MYH16: variants seen among roughly 807,000 people sequenced by gnomAD.
MYH16 encodes putative uncharacterized protein MYH16.
intron 20 of MYH16, among the ~76,000 whole-genome samples, chr7:99,276,915 A>G (rs965935911): frequency 1.3e-5 from 2 of 152,000 alleles, no homozygotes; most frequent in African/African-American, 4.8e-5. Context: ...GATAAGAGAG[A>G]CAGAGATGAG....
At chr7:99,293,201 G>GA (rs759852984) in intron 32 of MYH16, among the ~76,000 whole-genome samples, 3 of 152,090 alleles carry the variant, frequency 2.0e-5, no homozygotes, top group African/African-American at 7.2e-5. Flanking sequence ...TGGATTCTCT[G>GA]AAAAAATGGC....
At chr7:99,243,977 TCATCCATCCATC>T (rs547422876) in intron 2 of MYH16, among the ~76,000 whole-genome samples, 4 of 148,380 alleles carry the variant, frequency 2.7e-5, no homozygotes, top group Middle Eastern at 7.1e-3. Context: ...ATCCAAACAT[TCATCCATCCATC>T]CATCCATCCA....
intron 34 of MYH16, 50 bp downstream of exon 15, chr7:99,296,967 G>A (rs1329229545): frequency 2.2e-6 from 1 of 447,954 alleles, no homozygotes; most frequent in Non-Finnish European, 4.5e-6. Flanking sequence ...AGGGGACACA[G>A]CCAGAGTCCC....
chr7:99,293,829 G>A (rs1792429040), intron 32 of MYH16, among the ~76,000 whole-genome samples, 189 bp from the exon 14 acceptor site: 2 of 151,444 alleles, frequency 1.3e-5, no homozygotes, highest in Non-Finnish European at 2.9e-5. Context: ...GAGAAAGTAA[G>A]TGTTTGTTGA....
chr7:99,288,296 A>G (rs1265050403), intron 29 of MYH16, among the ~76,000 whole-genome samples, 159 bp downstream of exon 10: 1 of 151,932 alleles, frequency 6.6e-6, no homozygotes, highest in Non-Finnish European at 1.5e-5. Context: ...GAAATTAGCC[A>G]GGGATGGTAG....
chr7:99,260,443 G>A (rs2150811293), intron 12 of MYH16: 1 of 532,990 alleles, frequency 1.9e-6, no homozygotes, highest in South Asian at 1.9e-5. Context: ...GACACCACCA[G>A]TGACCTTCCT....
intron 8 of MYH16, chr7:99,254,099 A>T (rs919120033): frequency 6.6e-6 from 1 of 152,228 alleles, no homozygotes; most frequent in Admixed American, 6.5e-5. Flanking sequence ...ATACAAAAAA[A>T]TTAGCCAGGC....
chr7:99,287,627 C>T (rs2150824910), intron 28 of MYH16, among the ~76,000 whole-genome samples: 1 of 151,162 alleles, frequency 6.6e-6, no homozygotes, highest in East Asian at 2.0e-4. Flanking sequence ...TACAAAGACA[C>T]TATTTCCAAA....
exon 35 of MYH16, chr7:99,297,684 A>C: frequency 2.2e-6 from 1 of 456,594 alleles, no homozygotes; most frequent in Non-Finnish European, 4.4e-6. Flanking sequence ...CTCATTGATC[A>C]GCTGGGTGAG....
chr7:99,291,249 G>A (rs887526882), intron 30 of MYH16, 74 bp from the exon 12 acceptor site: 3 of 434,156 alleles, frequency 6.9e-6, no homozygotes, highest in Non-Finnish European at 9.2e-6. Context: ...TAGGAGCAAT[G>A]CCCTGGGGAA....
chr7:99,286,212 C>T (rs1386817206), intron 27 of MYH16, among the ~76,000 whole-genome samples: 2 of 152,152 alleles, frequency 1.3e-5, no homozygotes, highest in East Asian at 1.9e-4. Flanking sequence ...CACTTGAGAC[C>T]GGGAGACCAG....
chr7:99,284,705 C>T (rs1792252573), intron 25 of MYH16, 140 bp from the exon 8 acceptor site: 1 of 389,586 alleles, frequency 2.6e-6, no homozygotes, highest in South Asian at 1.9e-5. Flanking sequence ...GCTGTCACTA[C>T]AGAAGGCCAG....
intron 18 of MYH16, among the ~76,000 whole-genome samples, chr7:99,268,359 G>C (rs963238612): frequency 3.3e-5 from 5 of 152,194 alleles, no homozygotes; most frequent in African/African-American, 1.2e-4. Flanking sequence ...GCCTGGAGAG[G>C]GGGTGGAGGT....
intron 22 of MYH16, 114 bp downstream of exon 4, chr7:99,279,851 T>A: frequency 5.5e-6 from 2 of 361,252 alleles, no homozygotes; most frequent in Non-Finnish European, 1.1e-5. Context: ...CATGGGGCAG[T>A]TTTTTGGGGG....
At chr7:99,242,456 C>T (rs763027344) in intron 1 of MYH16, among the ~76,000 whole-genome samples, 1 of 151,672 alleles carries the variant, frequency 6.6e-6, no homozygotes, top group African/African-American at 2.4e-5. Flanking sequence ...GGCAACATAG[C>T]AAGACCTTGT....
At chr7:99,281,740 G>A (rs1436084997) in intron 23 of MYH16, among the ~76,000 whole-genome samples, 1 of 152,162 alleles carries the variant, frequency 6.6e-6, no homozygotes, top group Non-Finnish European at 1.5e-5. Context: ...GAGGCCATGG[G>A]GAGACCCACC....
intron 20 of MYH16, among the ~76,000 whole-genome samples, chr7:99,277,177 C>T (rs751481646): frequency 6.6e-6 from 1 of 151,918 alleles, no homozygotes; most frequent in Non-Finnish European, 1.5e-5. Context: ...GGGAGGGGAC[C>T]CCAAGGCTGT....
intron 30 of MYH16, 42 bp from the exon 12 acceptor site, chr7:99,291,281 C>T: frequency 2.2e-6 from 1 of 450,624 alleles, no homozygotes; most frequent in Non-Finnish European, 4.5e-6. Flanking sequence ...GCTGGGGAAC[C>T]AGTTCTTCAT....
intron 31 of MYH16, among the ~76,000 whole-genome samples, chr7:99,291,983 A>G (rs1450644447): frequency 6.6e-6 from 1 of 152,196 alleles, no homozygotes; most frequent in Non-Finnish European, 1.5e-5. Flanking sequence ...TTGTATACCT[A>G]TAGTCCCAGC....
Sources: gnomAD v4.1 joint callset for allele counts (sites outside exome capture counted in the v4.1 genomes callset) on GRCh38, gnomAD v4.1.1 for gene constraint, MANE v1.5 for transcripts, NCBI Gene and HGNC (gene_info 2026-07-23, HGNC 2026-07-21) for gene names.